ZFR2: variants seen among roughly 807,000 people sequenced by gnomAD.
ZFR2 encodes zinc finger RNA-binding protein 2.
Under a neutral mutation model 105.7 loss-of-function variants are expected in ZFR2, and 104 were observed. The ratio of observed to expected loss-of-function variants is 0.98; its 90% confidence interval spans 0.84 to 1.16. The LOEUF (loss-of-function observed/expected upper bound fraction) is 1.16, where lower values mean the gene tolerates loss of function less well. Among genes scored for constraint, ZFR2 ranks in the 50% most tolerant of loss-of-function variants. The probability of loss-of-function intolerance (pLI) is 0.00; values close to 1 mark genes in which losing one functional copy is unlikely to be tolerated. For synonymous variants in ZFR2, 634 were observed against 597.7 expected (o/e 1.06, Z -0.89); for missense variants, 1,425 against 1,355.5 (o/e 1.05, Z -0.80).
chr19:3,863,923 C>A (rs963021690), intron 1 of ZFR2, among the ~76,000 whole-genome samples: 2 of 152,128 alleles, frequency 1.3e-5, no homozygotes, highest in Admixed American at 1.3e-4. Flanking sequence ...CCAAGGATCA[C>A]GTGAGGGCTC....
intron 15 of ZFR2, 117 bp from the exon 16 acceptor site, chr19:3,810,962 C>T (rs560581223): frequency 4.8e-5 from 56 of 1,175,864 alleles, no homozygotes; most frequent in Middle Eastern, 2.1e-4. Context: ...TGGCGGGCCT[C>T]GAAGGTGGCG....
chr19:3,825,175 C>A, intron 7 of ZFR2, 55 bp downstream of exon 7: 1 of 1,403,648 alleles, frequency 7.1e-7, no homozygotes, highest in South Asian at 1.6e-5. Flanking sequence ...ACGAAACTTT[C>A]ACTAGGCGGC....
At position 3,813,735 on chromosome 19, in the gene ZFR2, C is replaced by T. The variant is rs1462428587; in HGVS notation, c.2242+85G>A. On this transcript the variant is annotated intron_variant, in intron 14 of 18. Coordinates refer to ENST00000262961, the MANE Select transcript of ZFR2 (RefSeq NM_015174.2). The surrounding 1 kb of genome is among the most constrained non-coding windows in gnomAD (Gnocchi z 4.4). ...TGGCATTTCCTGCTCAGGGCAGAGG[C>T]GGACGCTGCCCCAGGCCTGGGTGTG... The T allele has an allele frequency of 1.3e-5, 20 of 1,562,934 alleles. No homozygotes were observed. The highest frequency in any genetic ancestry group is 1.2e-4 in the Admixed American group (7 of 56,604).
At position 3,813,313 on chromosome 19, in the gene ZFR2, C is replaced by T. The variant is rs1038508580; in HGVS notation, c.2242+507G>A. ...CTGTGGCCGCTGGCCAAGACCCTCG[C>T]TGCCCCTAGCCTGGCCCGGCCCCTC... On this transcript the variant is annotated intron_variant, in intron 14 of 18. Coordinates refer to ENST00000262961, the MANE Select transcript of ZFR2 (RefSeq NM_015174.2). The surrounding 1 kb of genome is among the most constrained non-coding windows in gnomAD (Gnocchi z 4.4). 6.6e-6 allele frequency among the ~76,000 whole-genome samples: 1 copy of T among 152,220 alleles called. No individual in the cohort carries two copies. The highest frequency in any genetic ancestry group is 2.4e-5 in the African/African-American group (1 of 41,450).
chr19:3,855,164 G>A (rs2038282886), intron 1 of ZFR2, among the ~76,000 whole-genome samples: 1 of 152,194 alleles, frequency 6.6e-6, no homozygotes, highest in Non-Finnish European at 1.5e-5. Context: ...CCAAAGTGCT[G>A]GGATTACTGG....
At position 3,805,573 on chromosome 19, in the gene ZFR2, A is replaced by T. The variant is rs151181939; in HGVS notation, c.*376T>A. The T allele has an allele frequency of 0.014, 2,509 of 178,254 alleles. 74 individuals are homozygous for T. Among genetic ancestry groups the T allele is most frequent in the African/African-American group, 0.055 (2,303 of 42,236 alleles). The allele number at this position is 178,254 out of a possible 1,614,324, so 11.0% of individuals were successfully genotyped here. A position where few individuals can be genotyped will look rare whatever the true frequency, so the allele number is the denominator to read the frequency against. ...ACCATGTTGACCAGGCCGGTCTCGAACTCCTGACCTCAGGCGATCTGCCCA... is the reference window on the plus strand; with the variant it reads ...ACCATGTTGACCAGGCCGGTCTCGATCTCCTGACCTCAGGCGATCTGCCCA... On this transcript the variant is annotated 3_prime_UTR_variant, in exon 19 of 19. Transcript: ENST00000262961.
At chr19:3,832,450 T>C (rs2038028167) in intron 3 of ZFR2, among the ~76,000 whole-genome samples, 2 of 151,690 alleles carry the variant, frequency 1.3e-5, no homozygotes, top group Non-Finnish European at 2.9e-5. Context: ...GCCTCCCGAA[T>C]AGCTGGGATT....
At chr19:3,818,159 A>T (rs1277416199) in intron 12 of ZFR2, among the ~76,000 whole-genome samples, 1 of 152,264 alleles carries the variant, frequency 6.6e-6, no homozygotes, top group African/African-American at 2.4e-5. Context: ...GTGTTGTGTG[A>T]TGTGGATTTT....
chr19:3,835,063 A>G (rs2038066329), intron 1 of ZFR2, 80 bp from the exon 2 acceptor site: 1 of 1,477,952 alleles, frequency 6.8e-7, no homozygotes, highest in African/African-American at 1.4e-5. Flanking sequence ...TGTCAATTCC[A>G]GCCACCACTG....
Position 3,808,302 on chromosome 19 carries a change from AG to A in ZFR2, c.2545+569del, listed in dbSNP as rs375744844. On this transcript the variant is annotated intron_variant, in intron 17 of 18. Transcript: ENST00000262961. ...ACACGTGTGCTTTACATGATGGCCC[AG>A]GCAATGGGCCGAAAGCTTCATGCTC... Among the ~76,000 whole-genome samples the A allele has an allele frequency of 6.2e-3, 952 of 152,362 alleles. 13 individuals are homozygous for A. Among genetic ancestry groups the A allele is most frequent in the African/African-American group, 0.022 (901 of 41,576 alleles).
rs2037921940 is a variant in ZFR2, at chr19:3,823,818, A to G, written c.1214-415T>C. On this transcript the variant is annotated intron_variant, in intron 7 of 18. Transcript: ENST00000262961. The surrounding 1 kb of genome is among the most constrained non-coding windows in gnomAD (Gnocchi z 5.4). ...ATGACTTGATGGTTTGATCTTCAAA[A>G]TCATGTTGCTATTCAAGAATCAACG... Among the ~76,000 whole-genome samples, 2 of 152,226 alleles carry G rather than the reference A, an allele frequency of 1.3e-5. No individual in the cohort carries two copies. The highest frequency in any genetic ancestry group is 4.1e-4 in the South Asian group (2 of 4,834).
At chr19:3,819,852 C>CAAAAAAAAAAAAAAAAAA (rs1555754315) in intron 11 of ZFR2, among the ~76,000 whole-genome samples, 169 of 138,560 alleles carry the variant, frequency 1.2e-3, no homozygotes, top group African/African-American at 4.5e-3. Context: ...GACTCTGTCT[C>CAAAAAAAAAAAAAAAAAA]AAAAAAAAAT....
At chr19:3,862,046 T>C (rs2038379905) in intron 1 of ZFR2, among the ~76,000 whole-genome samples, 1 of 152,202 alleles carries the variant, frequency 6.6e-6, no homozygotes, top group Non-Finnish European at 1.5e-5. Context: ...CTTTGTCCCA[T>C]GACCCCCAGA....
At chr19:3,850,413 C>T (rs1015743924) in intron 1 of ZFR2, among the ~76,000 whole-genome samples, 1 of 152,034 alleles carries the variant, frequency 6.6e-6, no homozygotes, top group Non-Finnish European at 1.5e-5. Context: ...TGAGGAGCCA[C>T]CTGGGCATCT....
rs1159495207 is a variant in ZFR2, at chr19:3,822,113, C to CGT, written c.1457_1458dup (p.Val487ThrfsTer2). 2 of 1,609,444 alleles carry CGT rather than the reference C, an allele frequency of 1.2e-6. No homozygotes were observed. The highest frequency in any genetic ancestry group is 2.7e-5 in the African/African-American group (2 of 74,842). On this transcript the variant is annotated frameshift_variant, in exon 9 of 19. Transcript: ENST00000262961. LOFTEE classifies it high-confidence loss of function. The stretch of plus-strand genomic sequence containing the variant: ...TGCAGCCGGTGCCGCCGCCCCCTCA[C>CGT]GTGCAGGTCCTTCGCGTTAAGGTCG...
intron 16 of ZFR2, among the ~76,000 whole-genome samples, chr19:3,809,399 C>T (rs10412775): frequency 0.19 from 28,724 of 152,080 alleles, 2,891 homozygotes; most frequent in East Asian, 0.35. Context: ...ACGTGGGGCC[C>T]GCCTCAGCTG....
chr19:3,818,287 G>A (rs956889602), intron 12 of ZFR2, among the ~76,000 whole-genome samples: 1 of 152,152 alleles, frequency 6.6e-6, no homozygotes. Flanking sequence ...CTAACATAGC[G>A]AGACCTCTCC....
rs770780801 is a variant in ZFR2 at position 3,813,887 on chromosome 19, C to T, written c.2175G>A (p.Glu725=). The T allele has an allele frequency of 5.6e-6, 9 of 1,613,820 alleles. No individual in the cohort carries two copies. Among genetic ancestry groups the T allele is most frequent in the African/African-American group, 2.7e-5 (2 of 74,900 alleles). ...EANIVISSCE[E]PRMQVTISVT... ...CAGATATGGTGACCTGCATCCTGGG[C>T]TCCTCACAGGAGGAGATGACAATGT... is the stretch of plus-strand genomic sequence containing the variant. Residue 725 remains glutamate (E), a synonymous_variant, in exon 14 of 19, where the codon GAG becomes GAA. Transcript: ENST00000262961. The surrounding 1 kb of genome is among the most constrained non-coding windows in gnomAD (Gnocchi z 4.4).
In ZFR2 at chr19:3,825,137, G is replaced by A. The variant is rs375435397; in HGVS notation, c.1213+93C>T. ...TCACCACCCCCCGGGAAGACATGAC[G>A]AAAATCGACTGGATGGTAGATTTTC... On this transcript the variant is annotated intron_variant, in intron 7 of 18. Transcript: ENST00000262961. The A allele has an allele frequency of 3.9e-5, 54 of 1,369,918 alleles. 2 individuals are homozygous for A. The highest frequency in any genetic ancestry group is 1.7e-4 in the South Asian group (10 of 57,404). The allele number at this position is 1,369,918 out of a possible 1,614,324, so 84.9% of individuals were successfully genotyped here. A position where few individuals can be genotyped will look rare whatever the true frequency, so the allele number is the denominator to read the frequency against.
Sources: allele counts gnomAD v4.1 joint callset (sites outside exome capture counted in the v4.1 genomes callset), GRCh38; gene constraint gnomAD v4.1.1; non-coding constraint Gnocchi (gnomAD v3.1); transcripts MANE v1.5; gene names NCBI Gene and HGNC (gene_info 2026-07-23, HGNC 2026-07-21).